Variants in ST6GALNAC6 observed in about 807,000 individuals in gnomAD.
ST6GALNAC6 encodes the protein ST6 N-acetylgalactosaminide alpha-2,6-sialyltransferase 6, also known as alpha-N-acetylgalactosaminide alpha-2,6-sialyltransferase 6.
Under a neutral mutation model 34.3 loss-of-function variants are expected in ST6GALNAC6, and 19 were observed. That is an observed-to-expected ratio of 0.55 (90% confidence interval 0.39 to 0.81). ST6GALNAC6 has a LOEUF of 0.81. ST6GALNAC6 is among the 40% of genes least tolerant of loss of function. The pLI is 0.00. For synonymous variants in ST6GALNAC6, 185 were observed against 182.1 expected, an observed-to-expected ratio of 1.02 and a Z score of -0.13; for missense variants, 377 against 467.7, an observed-to-expected ratio of 0.81 and a Z score of 1.79.
At position 127,890,522 on chromosome 9, in the gene ST6GALNAC6, G is replaced by T; in HGVS notation, c.704+115C>A. On this transcript the variant is annotated intron_variant, in intron 5 of 6. Coordinates refer to ENST00000373146, the MANE Select transcript of ST6GALNAC6 (RefSeq NM_013443.5). This position sits in a 1 kb window ranked among gnomAD's most constrained non-coding sequence, Gnocchi z 4.3. ...TCCTAGGAGGCCCAACCAGAGGACG[G>T]CGGGACTTGACTACCCCTCAGAGCA... 6.8e-7 allele frequency: 1 copy of T among 1,471,872 alleles called. No homozygotes were observed. The highest frequency in any genetic ancestry group is 9.2e-7 in the Non-Finnish European group (1 of 1,084,276). 91.2% of individuals were successfully genotyped at this position (1,471,872 alleles called of 1,614,324 possible). A position where few individuals can be genotyped will look rare whatever the true frequency, so the allele number is the denominator to read the frequency against.
upstream of ST6GALNAC6, among the ~76,000 whole-genome samples, chr9:127,900,689 T>A (rs1214239284): frequency 6.6e-6 from 1 of 151,384 alleles, no homozygotes. Flanking sequence ...CCAGGCCCAG[T>A]GGCTGTAATC....
chr9:127,889,096 C>A (rs1467635810), intron 5 of ST6GALNAC6, among the ~76,000 whole-genome samples: 1 of 152,166 alleles, frequency 6.6e-6, no homozygotes. Context: ...CGCCTGTAAT[C>A]CCGGCACTTT....
upstream of ST6GALNAC6, among the ~76,000 whole-genome samples, chr9:127,900,991 C>CAA (rs56673204): frequency 1.1e-4 from 7 of 60,986 alleles, no homozygotes; most frequent in African/African-American, 3.5e-4. Flanking sequence ...AACTCCCTAT[C>CAA]AAAAAAAAAA....
upstream of ST6GALNAC6, among the ~76,000 whole-genome samples, chr9:127,901,198 G>C (rs1285184181): frequency 1.3e-5 from 2 of 152,094 alleles, no homozygotes; most frequent in East Asian, 3.8e-4. Flanking sequence ...TCACACTGTG[G>C]AATAATATGT....
At chr9:127,900,251 G>A (rs1196783561), upstream of ST6GALNAC6, among the ~76,000 whole-genome samples, 1 of 152,196 alleles carries the variant, frequency 6.6e-6, no homozygotes, top group Admixed American at 6.5e-5. Context: ...AGTGCACGAG[G>A]AGGCTGTTAA....
At chr9:127,891,651 C>A in intron 4 of ST6GALNAC6, among the ~76,000 whole-genome samples, 1 of 143,228 alleles carries the variant, frequency 7.0e-6, no homozygotes, top group African/African-American at 2.6e-5. Flanking sequence ...AGAAAAGAAA[C>A]AAGGAAAGGA....
upstream of ST6GALNAC6, among the ~76,000 whole-genome samples, chr9:127,902,835 C>G (rs1653488767): frequency 1.3e-5 from 2 of 151,272 alleles, no homozygotes; most frequent in South Asian, 2.1e-4. Flanking sequence ...TGATCCACCC[C>G]CCCTTGGCCT....
At chr9:127,888,504 CAAAA>C (rs143037868) in intron 5 of ST6GALNAC6, among the ~76,000 whole-genome samples, 2 of 59,506 alleles carry the variant, frequency 3.4e-5, no homozygotes, top group Non-Finnish European at 3.5e-5. Context: ...ACTCCTTCTC[CAAAA>C]AAAAAAAAAA....
At chr9:127,898,526 G>A (rs1191291909) in intron 1 of ST6GALNAC6, among the ~76,000 whole-genome samples, 13 of 152,372 alleles carry the variant, frequency 8.5e-5, no homozygotes, top group South Asian at 2.1e-4. Context: ...CAGTGTGTCA[G>A]TGAAACACTC....
At chr9:127,902,871 G>A (rs1465844556), upstream of ST6GALNAC6, 1 of 150,624 alleles carries the variant, frequency 6.6e-6, no homozygotes, top group Non-Finnish European at 1.5e-5. Flanking sequence ...TTACAGGCAT[G>A]AGTCACCGCA....
At chr9:127,886,846 C>T in intron 6 of ST6GALNAC6, 58 bp from the exon 7 acceptor site, 4 of 1,495,194 alleles carry the variant, frequency 2.7e-6, no homozygotes, top group Non-Finnish European at 2.7e-6. Context: ...GGGTCCTTGC[C>T]CTTTCAGCCC....
chr9:127,892,672 G>T (rs1364555739), intron 4 of ST6GALNAC6, among the ~76,000 whole-genome samples: 5 of 152,142 alleles, frequency 3.3e-5, no homozygotes, highest in African/African-American at 1.2e-4. Context: ...ACCAGTCATT[G>T]TTTCTTAGGT....
rs1830441067 is a variant in ST6GALNAC6 at position 127,896,182 on chromosome 9, A to AC, written c.117+59dup. 7 of 1,579,944 alleles carry AC rather than the reference A, an allele frequency of 4.4e-6. No individual in the cohort carries two copies. In the South Asian group the frequency reaches 7.7e-5, roughly 17 times the overall value. ...TGGGGTCTGAGACAGGTCCAAAGGAACCCGTTCCATGGAGGGAAGTGAGAG... is the reference window on the plus strand; with the variant it reads ...TGGGGTCTGAGACAGGTCCAAAGGAACCCCGTTCCATGGAGGGAAGTGAGAG... On this transcript the variant is annotated intron_variant, in intron 3 of 6. Transcript: ENST00000373146.
intron 5 of ST6GALNAC6, among the ~76,000 whole-genome samples, chr9:127,887,799 G>A (rs1471014362): frequency 6.6e-6 from 1 of 152,202 alleles, no homozygotes; most frequent in African/African-American, 2.4e-5. Flanking sequence ...GGGTGTGGAG[G>A]GAGCTCCTTT....
chr9:127,899,456 C>CCAA, intron 1 of ST6GALNAC6, 47 bp downstream of exon 1: 1 of 868,402 alleles, frequency 1.2e-6, no homozygotes, highest in Non-Finnish European at 1.4e-6. Context: ...CCAGCCCCCG[C>CCAA]CTCCGCCCCC....
intron 4 of ST6GALNAC6, among the ~76,000 whole-genome samples, chr9:127,893,773 G>A (rs565890854): frequency 2.7e-4 from 41 of 152,324 alleles, no homozygotes; most frequent in Non-Finnish European, 5.0e-4. Flanking sequence ...CTGCTAATGT[G>A]CCCTTTCCTA....
intron 2 of ST6GALNAC6, 74 bp downstream of exon 2, chr9:127,897,882 C>T: frequency 6.2e-7 from 1 of 1,608,550 alleles, no homozygotes; most frequent in South Asian, 1.1e-5. Flanking sequence ...CGCCCCGTCA[C>T]AATCCTGCTC....
At chr9:127,905,382 C>G, upstream of ST6GALNAC6, 2 of 985,616 alleles carry the variant, frequency 2.0e-6, no homozygotes, top group Non-Finnish European at 2.4e-6. Flanking sequence ...CAGAAAGACA[C>G]ACCATTTGGG....
intron 2 of ST6GALNAC6, 96 bp from the exon 3 acceptor site, chr9:127,896,428 C>T: frequency 9.5e-7 from 1 of 1,053,210 alleles, no homozygotes; most frequent in Non-Finnish European, 1.4e-6. Flanking sequence ...TTCTTCTATG[C>T]ACCCAGAACT....
Sources: allele counts gnomAD v4.1 joint callset (sites outside exome capture counted in the v4.1 genomes callset), GRCh38; gene constraint gnomAD v4.1.1; non-coding constraint Gnocchi (gnomAD v3.1); transcripts MANE v1.5; gene names NCBI Gene and HGNC (gene_info 2026-07-23, HGNC 2026-07-21).